Variants in SBK1 observed in about 807,000 individuals in gnomAD.
The protein encoded by SBK1 is serine/threonine-protein kinase SBK1.
In SBK1, 11 loss-of-function variants were observed where a neutral mutation model predicts 24.4. That is an observed-to-expected ratio of 0.45 (90% confidence interval 0.28 to 0.75). SBK1 has a LOEUF of 0.75. Ranked by LOEUF, SBK1 falls within the 30% of genes least tolerant of loss-of-function variation. The probability of loss-of-function intolerance (pLI) is 0.12; values close to 1 mark genes in which losing one functional copy is unlikely to be tolerated. For synonymous variants in SBK1, 308 were observed against 284.4 expected (o/e 1.08, Z -0.83); for missense variants, 467 against 620.5 (o/e 0.75, Z 2.63).
rs774279220 is a variant in SBK1 at position 28,311,653 on chromosome 16, A to C, written c.-7-5732A>C. Among the ~76,000 whole-genome samples, 24 of 152,150 alleles carry C rather than the reference A, an allele frequency of 1.6e-4. 1 individual carries two copies. Among genetic ancestry groups the C allele is most frequent in the Middle Eastern group, 6.8e-3 (2 of 294 alleles). On this transcript the variant is annotated intron_variant, in intron 1 of 3. Coordinates refer to ENST00000341901, the MANE Select transcript of SBK1 (RefSeq NM_001024401.3). Reference sequence around the variant, plus strand: ...CAGGAGTTCAAGGCTACAGTGAGCCATGATCTGCACTCCAGCCTGGGCAAT... The same window carrying C: ...CAGGAGTTCAAGGCTACAGTGAGCCCTGATCTGCACTCCAGCCTGGGCAAT...
intron 1 of SBK1, among the ~76,000 whole-genome samples, chr16:28,315,727 C>G (rs755712938): frequency 1.3e-5 from 2 of 152,188 alleles, no homozygotes; most frequent in East Asian, 3.9e-4. Context: ...TCCTACTGCC[C>G]TTCAGCCTGG....
In SBK1 at chr16:28,320,597, C is replaced by T. The variant is rs752675491; in HGVS notation, c.951C>T (p.Leu317=). 3.4e-6 allele frequency: 5 copies of T among 1,467,654 alleles called. No individual in the cohort carries two copies. The highest frequency in any genetic ancestry group is 1.5e-5 in the African/African-American group (1 of 67,558). 90.9% of individuals were successfully genotyped at this position (1,467,654 alleles called of 1,614,324 possible). A position where few individuals can be genotyped will look rare whatever the true frequency, so the allele number is the denominator to read the frequency against. The part of the protein sequence containing the change: ...KEVFRFLKHE[L]TSELRRRPSH... ...TGTTCCGCTTCCTCAAGCACGAGCTCACGTCCGAGCTGCGCCGCCGGCCCT... is the reference window on the plus strand; with the variant it reads ...TGTTCCGCTTCCTCAAGCACGAGCTTACGTCCGAGCTGCGCCGCCGGCCCT... Residue 317 remains leucine, a synonymous_variant, in exon 4 of 4, where the codon CTC becomes CTT. Transcript: ENST00000341901. The surrounding 1 kb of genome is among the most constrained non-coding windows in gnomAD (Gnocchi z 8.5).
chr16:28,304,297 C>T (rs1423943530), intron 1 of SBK1, among the ~76,000 whole-genome samples: 1 of 152,184 alleles, frequency 6.6e-6, no homozygotes, highest in Non-Finnish European at 1.5e-5. Context: ...CTCCCCCAGC[C>T]TCGCACTTAA....
rs1289142625 is a variant in SBK1 at position 28,319,467 on chromosome 16, C to CGA, written c.429+270_429+271insGA. Among the ~76,000 whole-genome samples the CGA allele has an allele frequency of 1.3e-5, 2 of 152,090 alleles. No individual in the cohort carries two copies. Among genetic ancestry groups the CGA allele is most frequent in the African/African-American group, 4.8e-5 (2 of 41,392 alleles). The stretch of plus-strand genomic sequence containing the variant: ...AGAATGATGGGATGAAGTCACTGGG[C>CGA]CCTCCCCTGGGGCTACACAAGAGGA... On this transcript the variant is annotated intron_variant, in intron 3 of 3. Transcript: ENST00000341901. The surrounding 1 kb of genome is among the most constrained non-coding windows in gnomAD (Gnocchi z 4.0).
chr16:28,320,846 C>T lies in SBK1; in HGVS notation c.1200C>T (p.Pro400=), dbSNP rs1212948011. The change falls in exon 4 of 4, where the codon CCC becomes CCT. Residue 400 remains proline, a synonymous_variant. Coordinates refer to ENST00000341901, the MANE Select transcript of SBK1 (RefSeq NM_001024401.3). This position sits in a 1 kb window ranked among gnomAD's most constrained non-coding sequence, Gnocchi z 8.5. The stretch of plus-strand genomic sequence containing the variant: ...CCGGCCTAGCTCCCCAGGGGCCCCC[C>T]GGCCGGACCGACGGCCGCGCGGACA... ...PEPGLAPQGP[P]GRTDGRADKS... is the part of the protein sequence containing the mutation. 2 of 1,474,012 alleles carry T rather than the reference C, an allele frequency of 1.4e-6. No homozygotes were observed. The highest frequency in any genetic ancestry group is 1.8e-4 in the Middle Eastern group (1 of 5,498). The allele number at this position is 1,474,012 out of a possible 1,614,324, so 91.3% of individuals were successfully genotyped here.
intron 1 of SBK1, among the ~76,000 whole-genome samples, chr16:28,296,802 A>G (rs1052203308): frequency 1.3e-5 from 2 of 152,220 alleles, no homozygotes; most frequent in Non-Finnish European, 2.9e-5. Flanking sequence ...TCCCAGGGAC[A>G]GCAAACCCGA....
intron 1 of SBK1, among the ~76,000 whole-genome samples, chr16:28,312,776 G>A (rs1196521533): frequency 1.3e-5 from 2 of 152,220 alleles, no homozygotes; most frequent in Non-Finnish European, 2.9e-5. Context: ...GAGGCAGGAG[G>A]ACTGTTTGAG....
chr16:28,304,941 ACT>A (rs2141583091), intron 1 of SBK1, among the ~76,000 whole-genome samples: 1 of 148,904 alleles, frequency 6.7e-6, no homozygotes, highest in East Asian at 2.0e-4. Flanking sequence ...ACGGTGTCTC[ACT>A]CTGTTACCCA....
At chr16:28,260,490 A>G (rs1237782654) in intron 1 of SBK1, among the ~76,000 whole-genome samples, 1 of 152,240 alleles carries the variant, frequency 6.6e-6, no homozygotes, top group Admixed American at 6.5e-5. Flanking sequence ...AAGGGTAGGC[A>G]TGGGCCAAGC....
At chr16:28,263,824 T>C (rs1359442227) in intron 1 of SBK1, among the ~76,000 whole-genome samples, 2 of 152,082 alleles carry the variant, frequency 1.3e-5, no homozygotes, top group African/African-American at 4.8e-5. Context: ...AAGAAAGTGC[T>C]TTCTGAACAT....
intron 1 of SBK1, among the ~76,000 whole-genome samples, chr16:28,282,312 G>A (rs563680286): frequency 6.6e-6 from 1 of 152,080 alleles, no homozygotes; most frequent in Non-Finnish European, 1.5e-5. Flanking sequence ...CTGAGCTGCC[G>A]GGTGGGCTCT....
intron 1 of SBK1, among the ~76,000 whole-genome samples, chr16:28,271,085 G>C (rs962152754): frequency 6.7e-6 from 1 of 150,096 alleles, no homozygotes; most frequent in East Asian, 2.0e-4. Context: ...GGATGGTCTC[G>C]ATCTCCTGAC....
At chr16:28,283,026 G>A (rs891227706) in intron 1 of SBK1, among the ~76,000 whole-genome samples, 10 of 151,956 alleles carry the variant, frequency 6.6e-5, no homozygotes, top group African/African-American at 2.2e-4. Context: ...TCTGCCTCCC[G>A]GGTTCAAGCG....
chr16:28,270,965 G>A (rs1387309188), intron 1 of SBK1, among the ~76,000 whole-genome samples: 1 of 152,022 alleles, frequency 6.6e-6, no homozygotes, highest in Non-Finnish European at 1.5e-5. Context: ...CCGGGTACAT[G>A]CCATTCTCCT....
intron 1 of SBK1, among the ~76,000 whole-genome samples, chr16:28,283,823 T>A (rs1046706002): frequency 8.5e-5 from 13 of 152,086 alleles, no homozygotes; most frequent in African/African-American, 3.1e-4. Context: ...GGCAGACATG[T>A]CATTTCCCCA....
At position 28,320,096 on chromosome 16, in the gene SBK1, G is replaced by T; in HGVS notation, c.450G>T (p.Thr150=). ...IPPQVGLPED[T]VKRCVQQLGL... is the part of the protein sequence containing the mutation. ...CGCAGGTGGGGCTCCCTGAGGACACGGTGAAGCGCTGTGTGCAGCAGCTGG... is the reference window on the plus strand; with the variant it reads ...CGCAGGTGGGGCTCCCTGAGGACACTGTGAAGCGCTGTGTGCAGCAGCTGG... The change falls in exon 4 of 4, where the codon ACG becomes ACT. Residue 150 remains threonine (T), a synonymous_variant. Transcript: ENST00000341901. The surrounding 1 kb of genome is among the most constrained non-coding windows in gnomAD (Gnocchi z 8.5). 3.9e-6 allele frequency: 6 copies of T among 1,529,032 alleles called. No individual in the cohort carries two copies. Among genetic ancestry groups the T allele is most frequent in the Non-Finnish European group, 5.3e-6 (6 of 1,142,672 alleles). 94.7% of individuals were successfully genotyped at this position (1,529,032 alleles called of 1,614,324 possible).
chr16:28,280,149 A>ATATATGTGTGTGTGTGTGTGTGTGTGTG (rs1230385223), intron 1 of SBK1, among the ~76,000 whole-genome samples: 38 of 39,364 alleles, frequency 9.7e-4, no homozygotes, highest in Non-Finnish European at 1.4e-3. Flanking sequence ...ATATATATAT[A>ATATATGTGTGTGTGTGTGTGTGTGTGTG]TGTGTGTGTG....
At chr16:28,300,069 G>T (rs757291219) in intron 1 of SBK1, among the ~76,000 whole-genome samples, 3 of 152,192 alleles carry the variant, frequency 2.0e-5, no homozygotes, top group Non-Finnish European at 2.9e-5. Context: ...ACTTCTCACT[G>T]CCTGACACAC....
In SBK1 at chr16:28,268,825, T is replaced by C. The variant is rs142140903; in HGVS notation, c.257+9323T>C. On this transcript the variant is annotated intron_variant, in intron 1 of 3. Transcript: ENST00000671413. ...CACTTTGGTGTTGATCCAGCAGTCTTGGCCAACCTATAGAGAAGCTCAAGA... is the reference window on the plus strand; with the variant it reads ...CACTTTGGTGTTGATCCAGCAGTCTCGGCCAACCTATAGAGAAGCTCAAGA... Among the ~76,000 whole-genome samples the C allele has an allele frequency of 4.0e-3, 613 of 152,084 alleles. 1 individual carries two copies. Among genetic ancestry groups the C allele is most frequent in the African/African-American group, 0.014 (581 of 41,514 alleles).
Sources: gnomAD v4.1 joint callset for allele counts (sites outside exome capture counted in the v4.1 genomes callset) on GRCh38, gnomAD v4.1.1 for gene constraint, Gnocchi (gnomAD v3.1) non-coding constraint, MANE v1.5 for transcripts, NCBI Gene and HGNC (gene_info 2026-07-23, HGNC 2026-07-21) for gene names.